The following NOL4 variants were observed in gnomAD, a reference collection of about 807,000 sequenced individuals.
NOL4 encodes nucleolar protein 4.
Under a neutral mutation model 75.9 loss-of-function variants are expected in NOL4, and 17 were observed. The observed-to-expected ratio is 0.22, with a 90% CI of 0.15 to 0.34. The LOEUF is 0.34. Ranked by LOEUF, NOL4 falls within the 10% of genes least tolerant of loss-of-function variation. The probability of loss-of-function intolerance (pLI) is 1.00; values close to 1 mark genes in which losing one functional copy is unlikely to be tolerated. For synonymous variants in NOL4, 292 were observed against 289.9 expected, an observed-to-expected ratio of 1.01 and a Z score of -0.07; for missense variants, 614 against 793.5, an observed-to-expected ratio of 0.77 and a Z score of 2.72.
At position 34,129,862 on chromosome 18, in the gene NOL4, T is replaced by A; in HGVS notation, c.414+9A>T. Reference sequence around the variant, plus strand: ...ATGCATGCTCTTTTTTTTTTCTTTTTTAACTTACTGCTTTGTAAGTTCTCT... The same window carrying A: ...ATGCATGCTCTTTTTTTTTTCTTTTATAACTTACTGCTTTGTAAGTTCTCT... On this transcript the variant is annotated intron_variant, in intron 2 of 10. Coordinates refer to ENST00000261592, the MANE Select transcript of NOL4 (RefSeq NM_003787.5). 6.5e-7 allele frequency: 1 copy of A among 1,536,108 alleles called. No individual in the cohort carries two copies. The highest frequency in any genetic ancestry group is 1.3e-5 in the South Asian group (1 of 76,906).
chr18:33,898,532 A>G (rs1000358964), intron 9 of NOL4, among the ~76,000 whole-genome samples: 2 of 152,236 alleles, frequency 1.3e-5, no homozygotes, highest in South Asian at 4.1e-4. Context: ...TAGTTAATGC[A>G]CCATGCCATT....
chr18:34,039,702 G>A (rs2076058200), intron 5 of NOL4, among the ~76,000 whole-genome samples: 1 of 151,888 alleles, frequency 6.6e-6, no homozygotes, highest in Admixed American at 6.6e-5. Flanking sequence ...CAAAACATTG[G>A]CAAAATGTTC....
intron 5 of NOL4, among the ~76,000 whole-genome samples, chr18:34,061,986 A>G (rs2077081426): frequency 6.6e-6 from 1 of 152,100 alleles, no homozygotes; most frequent in South Asian, 2.1e-4. Context: ...AGAATGACAT[A>G]TACTGAGAGA....
intron 3 of NOL4, 74 bp downstream of exon 3, chr18:34,104,975 T>A: frequency 1.1e-6 from 1 of 929,010 alleles, no homozygotes; most frequent in South Asian, 1.4e-5. Context: ...ACCACGTTTT[T>A]ATAAAAATGT....
chr18:34,038,102 CA>C (rs1271629060), intron 5 of NOL4, among the ~76,000 whole-genome samples: 1 of 151,950 alleles, frequency 6.6e-6, no homozygotes, highest in African/African-American at 2.4e-5. Flanking sequence ...ACAATTCCCA[CA>C]AGAAGACATA....
intron 5 of NOL4, among the ~76,000 whole-genome samples, chr18:34,079,167 A>G (rs1034216233): frequency 6.6e-6 from 1 of 152,108 alleles, no homozygotes; most frequent in Non-Finnish European, 1.5e-5. Context: ...CTAAATAACC[A>G]TATTTTGTGA....
At chr18:33,872,374 T>A (rs1446274128) in intron 10 of NOL4, among the ~76,000 whole-genome samples, 1 of 152,040 alleles carries the variant, frequency 6.6e-6, no homozygotes. Flanking sequence ...TGACCGGATG[T>A]TATTTAAAAG....
intron 6 of NOL4, among the ~76,000 whole-genome samples, chr18:33,975,667 C>T (rs2145921389): frequency 1.3e-5 from 2 of 152,212 alleles, no homozygotes; most frequent in South Asian, 4.1e-4. Flanking sequence ...CCCAGCTACT[C>T]AGGAGGCTGA....
intron 5 of NOL4, among the ~76,000 whole-genome samples, chr18:34,027,524 A>C (rs2075406112): frequency 1.3e-5 from 2 of 152,220 alleles, no homozygotes; most frequent in African/African-American, 4.8e-5. Flanking sequence ...AGCCAGCATT[A>C]TGCTTTGTGT....
chr18:34,038,530 T>G (rs932151762), intron 5 of NOL4, among the ~76,000 whole-genome samples: 4 of 152,076 alleles, frequency 2.6e-5, no homozygotes, highest in Non-Finnish European at 4.4e-5. Flanking sequence ...GTGGTACATA[T>G]ACATAGTAGA....
intron 1 of NOL4, among the ~76,000 whole-genome samples, chr18:34,215,427 C>G (rs544078181): frequency 6.6e-6 from 1 of 152,142 alleles, no homozygotes; most frequent in Admixed American, 6.5e-5. Flanking sequence ...AATTATTAAG[C>G]AATAGGCATA....
At chr18:34,133,033 G>A (rs2080727291) in intron 1 of NOL4, among the ~76,000 whole-genome samples, 1 of 151,992 alleles carries the variant, frequency 6.6e-6, no homozygotes, top group African/African-American at 2.4e-5. Flanking sequence ...AATTTGGGAG[G>A]AGGCAGAGGG....
chr18:34,105,989 A>G (rs1264505774), intron 2 of NOL4, among the ~76,000 whole-genome samples: 1 of 152,120 alleles, frequency 6.6e-6, no homozygotes, highest in Non-Finnish European at 1.5e-5. Flanking sequence ...TTTAAATAAA[A>G]GCTGACAGTG....
intron 2 of NOL4, among the ~76,000 whole-genome samples, chr18:34,110,828 G>A (rs1216558559): frequency 2.0e-5 from 3 of 151,914 alleles, no homozygotes; most frequent in Non-Finnish European, 2.9e-5. Context: ...AACAAATCCA[G>A]TAAAGTTGCA....
chr18:34,193,599 G>C (rs1017777627), intron 1 of NOL4, among the ~76,000 whole-genome samples: 2 of 116,618 alleles, frequency 1.7e-5, no homozygotes, highest in African/African-American at 3.1e-5. Context: ...CTTTTGAGAA[G>C]ATGTGGAGGA....
chr18:33,916,623 ATTTAC>A (rs1331321041), intron 9 of NOL4, among the ~76,000 whole-genome samples: 1 of 152,202 alleles, frequency 6.6e-6, no homozygotes, highest in East Asian at 1.9e-4. Flanking sequence ...TCCAATGCTT[ATTTAC>A]TTTAATGTAA....
At position 33,852,339 on chromosome 18, in the gene NOL4, T is replaced by C. The variant is rs2062660078; in HGVS notation, c.*503A>G. 6.6e-6 allele frequency: 1 copy of C among 152,414 alleles called. No homozygotes were observed. The highest frequency in any genetic ancestry group is 6.6e-5 in the Admixed American group (1 of 15,246). 9.4% of individuals were successfully genotyped at this position (152,414 alleles called of 1,614,324 possible). A position where few individuals can be genotyped will look rare whatever the true frequency, so the allele number is the denominator to read the frequency against. On this transcript the variant is annotated 3_prime_UTR_variant, in exon 11 of 11. Transcript: ENST00000261592. ...ATGACAAGTTTGAATGAAAAACAAG[T>C]TTTCTTTTTATAAAAATTACATATT...
chr18:33,879,731 G>A (rs921552922), intron 10 of NOL4, among the ~76,000 whole-genome samples: 1 of 151,370 alleles, frequency 6.6e-6, no homozygotes, highest in African/African-American at 2.4e-5. Flanking sequence ...TTGTTTGGAT[G>A]AGCTATAATT....
chr18:33,883,077 C>T (rs746780253), intron 10 of NOL4, among the ~76,000 whole-genome samples, 167 bp downstream of exon 10: 2 of 151,772 alleles, frequency 1.3e-5, no homozygotes, highest in East Asian at 1.9e-4. Flanking sequence ...GAGGGGGGAG[C>T]GATAGCATTG....
Sources: allele counts gnomAD v4.1 joint callset (sites outside exome capture counted in the v4.1 genomes callset), GRCh38; gene constraint gnomAD v4.1.1; transcripts MANE v1.5; gene names NCBI Gene and HGNC (gene_info 2026-07-23, HGNC 2026-07-21).